COL28A1: variants seen among roughly 807,000 people sequenced by gnomAD.
The protein encoded by COL28A1 is collagen type XXVIII alpha 1 chain, also known as collagen alpha-1(XXVIII) chain.
In COL28A1, 161 loss-of-function variants were observed where a neutral mutation model predicts 150.2. That is an observed-to-expected ratio of 1.07 (90% CI 0.94 to 1.22). The LOEUF is 1.22. Ranked by LOEUF, COL28A1 falls within the 50% of genes most tolerant of loss-of-function variation. The probability of loss-of-function intolerance (pLI) is 0.00; values close to 1 mark genes in which losing one functional copy is unlikely to be tolerated. For synonymous variants in COL28A1, 552 were observed against 469.7 expected (o/e 1.18, Z -2.26); for missense variants, 1,617 against 1,388.3 (o/e 1.16, Z -2.62).
At chr7:7,432,564 G>A (rs766804846) in intron 24 of COL28A1, 23 bp from the exon 25 acceptor site, 3 of 1,612,688 alleles carry the variant, frequency 1.9e-6, no homozygotes, top group East Asian at 2.2e-5. Flanking sequence ...AGTAAGGGAG[G>A]GAGTGAGCAT....
intron 28 of COL28A1, among the ~76,000 whole-genome samples, chr7:7,381,073 G>C (rs1781844758): frequency 6.6e-6 from 1 of 152,152 alleles, no homozygotes; most frequent in Non-Finnish European, 1.5e-5. Flanking sequence ...AGAGGTCTCA[G>C]AGTGAAGAGA....
intron 33 of COL28A1, among the ~76,000 whole-genome samples, chr7:7,365,204 G>A (rs892122314): frequency 8.1e-5 from 3 of 37,002 alleles, no homozygotes; most frequent in African/African-American, 1.3e-4. Flanking sequence ...GGAAACATTG[G>A]TTACTTCTGG....
rs17167927 is a variant in COL28A1 at position 7,453,466 on chromosome 7, C to A, written c.1414G>T (p.Ala472Ser). Residue 472 changes from alanine (A) to serine (S), a missense_variant, in exon 17 of 35, where the codon GCA (alanine) becomes TCA (serine). Transcript: ENST00000399429. The part of the protein sequence containing the change: ...PIGPPGPQGP[A>S]GQGLPGSKGE... ...TTGGAACCAGGTAAGCCCTGTCCTG[C>A]GGGCCCTTGTGGACCAGGTGGACCA... 7.7e-7 allele frequency: 1 copy of A among 1,305,866 alleles called. No individual in the cohort carries two copies. Among genetic ancestry groups the A allele is most frequent in the Non-Finnish European group, 1.1e-6 (1 of 900,388 alleles). 80.9% of individuals were successfully genotyped at this position (1,305,866 alleles called of 1,614,324 possible).
intron 27 of COL28A1, among the ~76,000 whole-genome samples, chr7:7,403,705 G>C (rs1050549209): frequency 1.3e-5 from 2 of 152,148 alleles, no homozygotes; most frequent in Non-Finnish European, 2.9e-5. Flanking sequence ...TTCCACCATT[G>C]TTCTTGCTAA....
At chr7:7,360,662 A>G (rs1350056588) in intron 33 of COL28A1, 134 bp from the exon 34 acceptor site, 5 of 769,074 alleles carry the variant, frequency 6.5e-6, no homozygotes, top group Non-Finnish European at 1.0e-5. Flanking sequence ...ACTATTTCAA[A>G]TAAAACTCAG....
intron 25 of COL28A1, among the ~76,000 whole-genome samples, chr7:7,423,312 C>A (rs1784478597): frequency 6.6e-6 from 1 of 152,250 alleles, no homozygotes; most frequent in Non-Finnish European, 1.5e-5. Context: ...ACTAGTCTTT[C>A]CACTTTTGTG....
rs76857919 is a variant in COL28A1, at chr7:7,379,642, A to G, written c.2322+1018T>C. Among the ~76,000 whole-genome samples, 201 of 152,304 alleles carry G rather than the reference A, an allele frequency of 1.3e-3. 3 individuals are homozygous for G. The East Asian group carries it at 0.034, about 26-fold the overall frequency. ...GAGTAAGGTTTACTGGATACATCCA[A>G]TAAAGGTTGGTGAAATGAATGAATG... On this transcript the variant is annotated intron_variant, in intron 30 of 34. Coordinates refer to ENST00000399429, the MANE Select transcript of COL28A1 (RefSeq NM_001037763.3).
chr7:7,396,135 T>A (rs1037339728), intron 27 of COL28A1, among the ~76,000 whole-genome samples: 1 of 152,186 alleles, frequency 6.6e-6, no homozygotes, highest in African/African-American at 2.4e-5. Context: ...AAATTATACA[T>A]ATTGATAGAA....
intron 27 of COL28A1, among the ~76,000 whole-genome samples, chr7:7,400,107 C>A (rs913623372): frequency 2.0e-5 from 3 of 152,210 alleles, no homozygotes; most frequent in African/African-American, 7.2e-5. Flanking sequence ...GACCCAGAAG[C>A]AGTGAAAGGG....
intron 15 of COL28A1, among the ~76,000 whole-genome samples, chr7:7,472,638 ACC>A (rs1253385916): frequency 2.6e-5 from 4 of 152,222 alleles, no homozygotes; most frequent in African/African-American, 9.6e-5. Context: ...CCATCAGAAT[ACC>A]ATCATCATTC....
intron 34 of COL28A1, among the ~76,000 whole-genome samples, chr7:7,359,621 T>C (rs1234403152): frequency 6.6e-6 from 1 of 152,198 alleles, no homozygotes; most frequent in Non-Finnish European, 1.5e-5. Flanking sequence ...CCCAAATAGA[T>C]AATTGCTATC....
intron 27 of COL28A1, among the ~76,000 whole-genome samples, chr7:7,385,628 T>C (rs1583264157): frequency 6.6e-6 from 1 of 152,164 alleles, no homozygotes; most frequent in African/African-American, 2.4e-5. Flanking sequence ...AATTTCCTAA[T>C]ATAGCTAAAA....
intron 4 of COL28A1, among the ~76,000 whole-genome samples, chr7:7,523,143 G>T (rs1781830655): frequency 6.8e-6 from 1 of 146,212 alleles, no homozygotes; most frequent in Admixed American, 7.1e-5. Flanking sequence ...AGCTAGCAAG[G>T]GTTTTTTCCT....
chr7:7,413,878 T>A (rs1433167736), intron 27 of COL28A1, among the ~76,000 whole-genome samples: 1 of 151,930 alleles, frequency 6.6e-6, no homozygotes, highest in Admixed American at 6.6e-5. Flanking sequence ...ATAGGAAGAG[T>A]TATAGTAGAG....
At chr7:7,441,596 C>T (rs549170805) in intron 20 of COL28A1, among the ~76,000 whole-genome samples, 7 of 151,698 alleles carry the variant, frequency 4.6e-5, no homozygotes, top group African/African-American at 1.7e-4. Context: ...AATTACTATA[C>T]CATGGTTTTT....
rs889305492 is a variant in COL28A1, at chr7:7,472,538, G to T, written c.1302+2063C>A. ...GAAATCATAGATGACACAAACAAAT[G>T]CAAACACATCCCATGCTCATGGATA... On this transcript the variant is annotated intron_variant, in intron 15 of 34. Transcript: ENST00000399429. Among the ~76,000 whole-genome samples, 14 of 152,102 alleles carry T rather than the reference G, an allele frequency of 9.2e-5. 1 individual carries two copies. Among genetic ancestry groups the T allele is most frequent in the African/African-American group, 3.4e-4 (14 of 41,420 alleles).
At position 7,531,790 on chromosome 7, in the gene COL28A1, T is replaced by C; in HGVS notation, c.239A>G (p.Gln80Arg). ...TTCCAAGGAGCGACCAGGAGTCAAT[T>C]GGAAAATCTTGTCACTCAAGCTATC... is the stretch of plus-strand genomic sequence containing the variant. ...FVDSLSDKIF[Q>R]LTPGRSLEYD... Residue 80 changes from glutamine (Q) to arginine (R), a missense_variant, in exon 3 of 35, where the codon CAA becomes CGA. Transcript: ENST00000399429. 6.2e-7 allele frequency: 1 copy of C among 1,605,558 alleles called. No individual in the cohort carries two copies. Among genetic ancestry groups the C allele is most frequent in the Non-Finnish European group, 8.5e-7 (1 of 1,172,230 alleles).
intron 27 of COL28A1, among the ~76,000 whole-genome samples, chr7:7,411,094 A>T (rs1460280634): frequency 6.6e-6 from 1 of 152,178 alleles, no homozygotes; most frequent in Non-Finnish European, 1.5e-5. Context: ...TGAGATTTCC[A>T]CTACAGAATC....
Position 7,375,490 on chromosome 7 carries a change from T to A in COL28A1, c.2330A>T (p.Glu777Val). The A allele has an allele frequency of 1.3e-6, 2 of 1,560,840 alleles. No homozygotes were observed. Among genetic ancestry groups the A allele is most frequent in the South Asian group, 2.3e-5 (2 of 87,202 alleles). ...TATTTCTGTAATAAGTTTGATAATT[T>A]CTTCTTTCTAGGGGATAAAAAGAAA... The part of the protein sequence containing the change: ...PKGDLGLTKE[E>V]IIKLITEICG... Residue 777 changes from glutamate (E) to valine (V), a missense_variant, in exon 31 of 35, where the codon GAA (glutamate) becomes GTA (valine). Transcript: ENST00000399429.
Sources: gnomAD v4.1 joint callset for allele counts (sites outside exome capture counted in the v4.1 genomes callset) on GRCh38, gnomAD v4.1.1 for gene constraint, MANE v1.5 for transcripts, NCBI Gene and HGNC (gene_info 2026-07-23, HGNC 2026-07-21) for gene names.